The following BCAR3 variants were observed in gnomAD, a reference collection of about 807,000 sequenced individuals.
The protein encoded by BCAR3 is BCAR3 adaptor protein, NSP family member, also known as breast cancer anti-estrogen resistance protein 3.
Under a neutral mutation model 80.1 loss-of-function variants are expected in BCAR3, and 37 were observed. The ratio of observed to expected loss-of-function variants is 0.46; its 90% CI spans 0.36 to 0.61. BCAR3 has a LOEUF of 0.61. Among genes scored for constraint, BCAR3 ranks in the 20% least tolerant of loss-of-function variants. BCAR3 has a pLI of 0.00. For missense variants in BCAR3, 978 were observed against 1,068.2 expected (o/e 0.92, Z 1.18); for synonymous variants, 389 against 418.9 (o/e 0.93, Z 0.87).
intron 2 of BCAR3, among the ~76,000 whole-genome samples, chr1:93,662,877 G>T (rs1647729433): frequency 6.6e-6 from 1 of 152,092 alleles, no homozygotes; most frequent in Non-Finnish European, 1.5e-5. Flanking sequence ...TTATCATTTT[G>T]TAGCTTTTCT....
chr1:93,571,670 C>T lies in BCAR3; in HGVS notation c.1974G>A (p.Gln658=). 1 of 1,614,104 alleles carries T rather than the reference C, an allele frequency of 6.2e-7. No homozygotes were observed. Among genetic ancestry groups the T allele is most frequent in the African/African-American group, 1.3e-5 (1 of 75,020 alleles). Residue 658 remains glutamine (Q), a splice_region_variant and synonymous_variant, in exon 9 of 12, where the codon CAG becomes CAA. Coordinates refer to ENST00000260502, the MANE Select transcript of BCAR3 (RefSeq NM_003567.4). ...ACACATAAAGTAATTGGAAATTTACCTGTGGCATTTCCAGGGCTTTCATGA... is the reference window on the plus strand; with the variant it reads ...ACACATAAAGTAATTGGAAATTTACTTGTGGCATTTCCAGGGCTTTCATGA... ...SALMKALEMP[Q]ITRLEKTWTA...
intron 7 of BCAR3, among the ~76,000 whole-genome samples, chr1:93,578,003 T>C (rs574719917): frequency 3.9e-5 from 6 of 152,346 alleles, no homozygotes; most frequent in African/African-American, 1.4e-4. Context: ...TGCCCAAGGT[T>C]ATGCAGCTCA....
intron 1 of BCAR3, among the ~76,000 whole-genome samples, chr1:93,675,898 A>G (rs1249008702): frequency 3.4e-5 from 5 of 148,554 alleles, no homozygotes; most frequent in Non-Finnish European, 5.9e-5. Context: ...TTTTAAGGCC[A>G]ACACACAGAG....
At chr1:93,760,516 AAAATAAAGAT>A (rs1651899450) in intron 2 of BCAR3, among the ~76,000 whole-genome samples, 1 of 152,148 alleles carries the variant, frequency 6.6e-6, no homozygotes, top group Admixed American at 6.5e-5. Flanking sequence ...GGAGACTAAT[AAAATAAAGAT>A]AAATTTGAGA....
At chr1:93,744,579 G>A (rs1651288859) in intron 2 of BCAR3, among the ~76,000 whole-genome samples, 1 of 152,208 alleles carries the variant, frequency 6.6e-6, no homozygotes, top group African/African-American at 2.4e-5. Context: ...GGTAAGCTGG[G>A]TTTGAAAGCT....
chr1:93,631,902 G>A (rs940833659), intron 3 of BCAR3, among the ~76,000 whole-genome samples: 8 of 152,142 alleles, frequency 5.3e-5, no homozygotes, highest in Non-Finnish European at 8.8e-5. Context: ...TCTGACTTGT[G>A]GCACAAGAAA....
At chr1:93,582,987 A>T in intron 6 of BCAR3, 34 bp from the exon 7 acceptor site, 1 of 1,541,888 alleles carries the variant, frequency 6.5e-7, no homozygotes, top group South Asian at 1.2e-5. Context: ...GAGAAAGCTC[A>T]TCTGTGTGGA....
intron 2 of BCAR3, among the ~76,000 whole-genome samples, chr1:93,836,349 C>A (rs960634814): frequency 6.6e-6 from 1 of 152,158 alleles, no homozygotes; most frequent in Non-Finnish European, 1.5e-5. Flanking sequence ...GTCCTGGGTC[C>A]TCCCAATTCT....
At position 93,832,356 on chromosome 1, in the gene BCAR3, T is replaced by C. The variant is rs1427887182; in HGVS notation, c.-63+13211A>G. On this transcript the variant is annotated intron_variant, in intron 2 of 13. Transcript: ENST00000370244. Reference sequence around the variant, plus strand: ...CTTCAAGTGCCGGAAATCTGGCCACTGGGCCAAGGAATGCCTGCAGCCTGC... The same window carrying C: ...CTTCAAGTGCCGGAAATCTGGCCACCGGGCCAAGGAATGCCTGCAGCCTGC... Among the ~76,000 whole-genome samples the C allele has an allele frequency of 2.0e-5, 3 of 152,176 alleles. No homozygotes were observed. In the East Asian group the frequency reaches 5.8e-4, roughly 29 times the overall value.
At position 93,642,326 on chromosome 1, in the gene BCAR3, T is replaced by G; in HGVS notation, c.335A>C (p.Asp112Ala). 2.5e-6 allele frequency: 4 copies of G among 1,613,824 alleles called. No homozygotes were observed. Among genetic ancestry groups the G allele is most frequent in the Non-Finnish European group, 3.4e-6 (4 of 1,179,692 alleles). Reference protein sequence around the residue: ...TFTFRDPHLLDPTVEYVKFSK... With the variant: ...TFTFRDPHLLAPTVEYVKFSK... ...TACCTTCACATATTCCACAGTTGGG[T>G]CCAGAAGATGTGGATCCCTGAAAAG... Residue 112 changes from aspartate (D) to alanine (A), a missense_variant, in exon 3 of 12, where the codon GAC becomes GCC. Asp to Ala is a moderately radical substitution (Grantham distance 126, BLOSUM62 -2). Transcript: ENST00000260502.
In BCAR3 at chr1:93,719,590, C is replaced by T. The variant is rs534901177; in HGVS notation, c.-62-13448G>A. On this transcript the variant is annotated intron_variant, in intron 2 of 13. Transcript: ENST00000370244. ...ATCTCCTGACCTCGTGATCTGCCTG[C>T]CTCGGCCTCCCAAAGTGCTGGGATT... is the stretch of plus-strand genomic sequence containing the variant. Among the ~76,000 whole-genome samples, 10 of 152,160 alleles carry T rather than the reference C, an allele frequency of 6.6e-5. No homozygotes were observed. The South Asian group carries it at 2.1e-3, about 32-fold the overall frequency.
chr1:93,618,184 A>G (rs2101886720), intron 3 of BCAR3, among the ~76,000 whole-genome samples: 1 of 152,372 alleles, frequency 6.6e-6, no homozygotes, highest in South Asian at 2.1e-4. Flanking sequence ...GGGAATGCAA[A>G]CAAGACTTAG....
At chr1:93,800,362 T>A (rs1483976617) in intron 2 of BCAR3, among the ~76,000 whole-genome samples, 1 of 152,024 alleles carries the variant, frequency 6.6e-6, no homozygotes, top group Non-Finnish European at 1.5e-5. Flanking sequence ...TCCCTTGAGG[T>A]CAGGAGTTCG....
At chr1:93,846,841 C>G (rs1209720917) in intron 1 of BCAR3, 16 of 473,708 alleles carry the variant, frequency 3.4e-5, no homozygotes, top group South Asian at 2.2e-4. Flanking sequence ...GGGCGCGTCG[C>G]CCCCCTCAGT....
At chr1:93,639,475 A>ATTT (rs139593635) in intron 3 of BCAR3, among the ~76,000 whole-genome samples, 2 of 128,118 alleles carry the variant, frequency 1.6e-5, no homozygotes, top group Non-Finnish European at 3.3e-5. Flanking sequence ...GGGGAGCAGC[A>ATTT]TTTTTTTTTT....
chr1:93,644,529 A>G (rs1291721168), intron 2 of BCAR3, among the ~76,000 whole-genome samples: 1 of 152,226 alleles, frequency 6.6e-6, no homozygotes, highest in Non-Finnish European at 1.5e-5. Context: ...TGCCTCCCTA[A>G]AATGTATAAA....
At chr1:93,841,155 G>C (rs932446551) in intron 2 of BCAR3, among the ~76,000 whole-genome samples, 9 of 152,212 alleles carry the variant, frequency 5.9e-5, no homozygotes, top group Admixed American at 5.2e-4. Flanking sequence ...CTCAACCCCA[G>C]GCTCCTTAGC....
At chr1:93,769,050 C>T (rs993641099) in intron 2 of BCAR3, among the ~76,000 whole-genome samples, 5 of 152,172 alleles carry the variant, frequency 3.3e-5, no homozygotes, top group South Asian at 2.1e-4. Flanking sequence ...GGTCCTGGAG[C>T]GTCTGGGGTT....
At chr1:93,607,807 G>A (rs1486215044) in intron 3 of BCAR3, among the ~76,000 whole-genome samples, 1 of 152,144 alleles carries the variant, frequency 6.6e-6, no homozygotes, top group Non-Finnish European at 1.5e-5. Context: ...ACCTCTCCCT[G>A]GATCTCACAA....
Sources: gnomAD v4.1 joint callset for allele counts (sites outside exome capture counted in the v4.1 genomes callset) on GRCh38, gnomAD v4.1.1 for gene constraint, MANE v1.5 for transcripts, NCBI Gene and HGNC (gene_info 2026-07-23, HGNC 2026-07-21) for gene names.